RNF220: variants seen among roughly 807,000 people sequenced by gnomAD.
The protein encoded by RNF220 is ring finger protein 220, also known as E3 ubiquitin-protein ligase RNF220.
Under a neutral mutation model 67.1 loss-of-function variants are expected in RNF220, and 7 were observed. The ratio of observed to expected loss-of-function variants is 0.10; its 90% confidence interval spans 0.06 to 0.20. The LOEUF is 0.20. Ranked by LOEUF, RNF220 falls within the 10% of genes least tolerant of loss-of-function variation. The pLI, the probability that RNF220 is intolerant of heterozygous loss-of-function variation, is 1.00. For synonymous variants in RNF220, 270 were observed against 283.2 expected (o/e 0.95, Z 0.47); for missense variants, 565 against 740.3 (o/e 0.76, Z 2.75).
intron 2 of RNF220, among the ~76,000 whole-genome samples, chr1:44,428,254 G>A (rs1016472833): frequency 1.3e-5 from 2 of 152,124 alleles, no homozygotes; most frequent in Non-Finnish European, 2.9e-5. Context: ...GACGAATCCT[G>A]TTCTATGCCT....
chr1:44,552,953 C>A (rs1160725083), intron 2 of RNF220, among the ~76,000 whole-genome samples: 2 of 152,192 alleles, frequency 1.3e-5, no homozygotes, highest in Non-Finnish European at 2.9e-5. Context: ...CACGCCCCGC[C>A]TTGAGCTACA....
chr1:44,535,439 A>G (rs1262112897), intron 2 of RNF220, among the ~76,000 whole-genome samples: 1 of 152,116 alleles, frequency 6.6e-6, no homozygotes, highest in Non-Finnish European at 1.5e-5. Flanking sequence ...GTGCCCGGCC[A>G]GGAGGCAGCT....
At chr1:44,526,667 C>T (rs887742998) in intron 2 of RNF220, among the ~76,000 whole-genome samples, 1 of 152,312 alleles carries the variant, frequency 6.6e-6, no homozygotes, top group South Asian at 2.1e-4. Context: ...ATGCCTTTCT[C>T]TCTGCCTTCA....
At chr1:44,415,994 AAAT>A (rs1178937019) in intron 2 of RNF220, among the ~76,000 whole-genome samples, 21 of 151,110 alleles carry the variant, frequency 1.4e-4, no homozygotes, top group African/African-American at 5.1e-4. Flanking sequence ...TTATAGACAG[AAAT>A]ATAGCGATTT....
At chr1:44,447,419 G>A (rs1249505535) in intron 2 of RNF220, among the ~76,000 whole-genome samples, 1 of 152,146 alleles carries the variant, frequency 6.6e-6, no homozygotes, top group Non-Finnish European at 1.5e-5. Context: ...ACATATCTCT[G>A]TTCTCCCCGC....
intron 5 of RNF220, among the ~76,000 whole-genome samples, chr1:44,629,927 A>T (rs993777034): frequency 2.6e-5 from 4 of 152,242 alleles, no homozygotes; most frequent in African/African-American, 9.6e-5. Context: ...CTTTTGTTAG[A>T]AAGTAGAATG....
At chr1:44,610,543 C>G (rs1643250098) in intron 2 of RNF220, among the ~76,000 whole-genome samples, 1 of 152,200 alleles carries the variant, frequency 6.6e-6, no homozygotes, top group South Asian at 2.1e-4. Context: ...TCAACCAGGC[C>G]TGTGTGACCT....
chr1:44,473,367 T>A (rs1654991267), intron 2 of RNF220, among the ~76,000 whole-genome samples: 1 of 151,554 alleles, frequency 6.6e-6, no homozygotes, highest in African/African-American at 2.4e-5. Flanking sequence ...TCAGTGGAGT[T>A]TAGTAGGGTG....
At chr1:44,475,554 G>A (rs2148005598) in intron 2 of RNF220, among the ~76,000 whole-genome samples, 1 of 133,992 alleles carries the variant, frequency 7.5e-6, no homozygotes, top group Middle Eastern at 4.0e-3. Flanking sequence ...TGGCAACAGT[G>A]TGAGACTCGG....
intron 5 of RNF220, among the ~76,000 whole-genome samples, chr1:44,629,802 C>G (rs1477710187): frequency 6.6e-6 from 1 of 152,194 alleles, no homozygotes; most frequent in East Asian, 1.9e-4. Context: ...AGAGAAGGAA[C>G]AGAAGTTCAC....
intron 2 of RNF220, among the ~76,000 whole-genome samples, chr1:44,536,060 G>C (rs1661196150): frequency 6.6e-6 from 1 of 152,134 alleles, no homozygotes; most frequent in Non-Finnish European, 1.5e-5. Flanking sequence ...ACTGAGAAAG[G>C]GGTCTTCTCT....
At chr1:44,495,483 T>C (rs1210033510) in intron 2 of RNF220, among the ~76,000 whole-genome samples, 1 of 152,198 alleles carries the variant, frequency 6.6e-6, no homozygotes, top group Non-Finnish European at 1.5e-5. Context: ...TACAGATTGC[T>C]TTGGAAGCAT....
rs545254313 is a variant in RNF220 at position 44,609,789 on chromosome 1, A to C, written c.626-4376A>C. 2.0e-5 allele frequency among the ~76,000 whole-genome samples: 3 copies of C among 152,356 alleles called. No individual in the cohort carries two copies. The East Asian group carries it at 5.8e-4, about 29-fold the overall frequency. On this transcript the variant is annotated intron_variant, in intron 2 of 14. Transcript: ENST00000361799. ...GGCCTGTCCTTCGCAGCTTACCATC[A>C]GTCACTCCCTGTTGGAGCCTCACTG...
chr1:44,521,397 A>C (rs1436926141), intron 2 of RNF220, among the ~76,000 whole-genome samples: 1 of 152,198 alleles, frequency 6.6e-6, no homozygotes, highest in East Asian at 1.9e-4. Flanking sequence ...TGGGATGACA[A>C]ATTTTAAACA....
intron 2 of RNF220, among the ~76,000 whole-genome samples, chr1:44,461,924 GTTTTTTTTT>G (rs201661366): frequency 0.33 from 40,521 of 123,486 alleles, 5,575 homozygotes; most frequent in Middle Eastern, 0.42. Context: ...TTTTTTCTTT[GTTTTTTTTT>G]TTTTTTTTTT....
chr1:44,599,811 G>A (rs988455448), intron 2 of RNF220, among the ~76,000 whole-genome samples: 4 of 152,202 alleles, frequency 2.6e-5, no homozygotes, highest in African/African-American at 7.2e-5. Context: ...GGCTGGAGAG[G>A]GGCATGTATG....
intron 2 of RNF220, among the ~76,000 whole-genome samples, chr1:44,495,642 A>G (rs1452038755): frequency 1.3e-5 from 2 of 152,176 alleles, no homozygotes; most frequent in African/African-American, 4.8e-5. Flanking sequence ...CACCATGTTG[A>G]CCAGGCTGGT....
chr1:44,625,728 G>A (rs1478140484), intron 4 of RNF220, among the ~76,000 whole-genome samples: 1 of 152,044 alleles, frequency 6.6e-6, no homozygotes, highest in Admixed American at 6.6e-5. Context: ...AATCTAAACT[G>A]CAGGCGTATG....
chr1:44,578,917 G>A (rs907694450), intron 2 of RNF220, among the ~76,000 whole-genome samples: 1 of 152,138 alleles, frequency 6.6e-6, no homozygotes, highest in Non-Finnish European at 1.5e-5. Context: ...TGTAATCCCA[G>A]CACTTTGGGA....
Sources: gnomAD v4.1 joint callset for allele counts (sites outside exome capture counted in the v4.1 genomes callset) on GRCh38, gnomAD v4.1.1 for gene constraint, MANE v1.5 for transcripts, NCBI Gene and HGNC (gene_info 2026-07-23, HGNC 2026-07-21) for gene names.